Variants in PCDH9 observed in about 807,000 individuals in gnomAD.
The protein encoded by PCDH9 is protocadherin-9.
PCDH9 carries 24 observed loss-of-function variants against 70.6 expected under a neutral mutation model. The observed-to-expected ratio is 0.34, with a 90% CI of 0.25 to 0.48. PCDH9 has a LOEUF of 0.48. Among genes scored for constraint, PCDH9 ranks in the 20% least tolerant of loss-of-function variants. PCDH9 has a pLI of 0.99. For missense variants in PCDH9, 1,281 were observed against 1,503.6 expected, an observed-to-expected ratio of 0.85 and a Z score of 2.45; for synonymous variants, 562 against 558.5, an observed-to-expected ratio of 1.01 and a Z score of -0.09.
rs533157709 is a variant in PCDH9 at position 66,382,901 on chromosome 13, G to A, written c.3341-77873C>T. Among the ~76,000 whole-genome samples, 9 of 152,206 alleles carry A rather than the reference G, an allele frequency of 5.9e-5. No homozygotes were observed. The South Asian group carries it at 6.2e-4, about 11-fold the overall frequency. On this transcript the variant is annotated intron_variant, in intron 4 of 4. Coordinates refer to ENST00000377865, the MANE Select transcript of PCDH9 (RefSeq NM_203487.3). ...CAAAAAATCAGCCAGGCGTGGTGGC[G>A]CATGTCTGTAATCCCAGCTATTCGG...
At chr13:66,812,954 C>T (rs2080535887) in intron 3 of PCDH9, among the ~76,000 whole-genome samples, 1 of 152,172 alleles carries the variant, frequency 6.6e-6, no homozygotes, top group Non-Finnish European at 1.5e-5. Flanking sequence ...GCTCGTCATT[C>T]TGTAGTATCC....
intron 3 of PCDH9, among the ~76,000 whole-genome samples, chr13:66,890,606 C>A (rs1287167363): frequency 6.6e-6 from 1 of 151,952 alleles, no homozygotes; most frequent in Non-Finnish European, 1.5e-5. Flanking sequence ...GAAATGAATT[C>A]ATCAAGAAAG....
intron 4 of PCDH9, among the ~76,000 whole-genome samples, chr13:66,542,083 G>C (rs1473738743): frequency 6.6e-6 from 1 of 152,138 alleles, no homozygotes; most frequent in African/African-American, 2.4e-5. Flanking sequence ...AACAGCAGAT[G>C]AGAAGCCTTT....
At chr13:66,747,570 A>C (rs987539679) in intron 3 of PCDH9, among the ~76,000 whole-genome samples, 1 of 152,176 alleles carries the variant, frequency 6.6e-6, no homozygotes, top group African/African-American at 2.4e-5. Flanking sequence ...CTGCAAAATA[A>C]ATTAAGAATA....
At chr13:66,461,782 AT>A (rs1408426662) in intron 4 of PCDH9, among the ~76,000 whole-genome samples, 6 of 151,888 alleles carry the variant, frequency 4.0e-5, no homozygotes, top group Non-Finnish European at 7.4e-5. Flanking sequence ...ACAATATGTA[AT>A]TTCCAGGTAA....
chr13:67,141,925 T>A (rs2087402101), intron 2 of PCDH9, among the ~76,000 whole-genome samples: 1 of 152,138 alleles, frequency 6.6e-6, no homozygotes, highest in Non-Finnish European at 1.5e-5. Flanking sequence ...GTGTCTGTAT[T>A]TTCATCGTCG....
At chr13:66,547,619 TA>T (rs2138671970) in intron 4 of PCDH9, among the ~76,000 whole-genome samples, 1 of 152,218 alleles carries the variant, frequency 6.6e-6, no homozygotes, top group Admixed American at 6.5e-5. Context: ...ATGCCCATGA[TA>T]GTTCCACTAA....
chr13:66,424,098 A>G (rs1038663849), intron 4 of PCDH9, among the ~76,000 whole-genome samples: 2 of 152,164 alleles, frequency 1.3e-5, no homozygotes, highest in Non-Finnish European at 2.9e-5. Context: ...GGAATAAAAT[A>G]TCTAGGAATA....
chr13:66,804,020 C>T (rs9317615), intron 3 of PCDH9, among the ~76,000 whole-genome samples: 76,442 of 151,932 alleles, frequency 0.5, 20,768 homozygotes, highest in East Asian at 0.66. Flanking sequence ...TGCTGAGTGA[C>T]CACACATGAT....
chr13:66,712,341 A>G (rs2078805764), intron 3 of PCDH9, among the ~76,000 whole-genome samples: 1 of 152,168 alleles, frequency 6.6e-6, no homozygotes, highest in Admixed American at 6.5e-5. Context: ...TAAAAAATAC[A>G]GCACTTATTT....
intron 4 of PCDH9, among the ~76,000 whole-genome samples, chr13:66,423,722 T>C (rs1308505980): frequency 6.6e-6 from 1 of 152,256 alleles, no homozygotes; most frequent in East Asian, 1.9e-4. Context: ...GCCAATATCA[T>C]ACTGAATGGG....
intron 2 of PCDH9, among the ~76,000 whole-genome samples, chr13:67,159,916 TA>T (rs1287110168): frequency 1.4e-5 from 2 of 145,708 alleles, no homozygotes; most frequent in Non-Finnish European, 1.5e-5. Flanking sequence ...TTCTTTCTAT[TA>T]TTTTTTTGCA....
At chr13:66,479,821 G>A (rs1958805258) in intron 4 of PCDH9, among the ~76,000 whole-genome samples, 1 of 152,172 alleles carries the variant, frequency 6.6e-6, no homozygotes, top group Non-Finnish European at 1.5e-5. Flanking sequence ...TCAGCACTCT[G>A]TAAAATGGAC....
intron 3 of PCDH9, among the ~76,000 whole-genome samples, chr13:66,901,538 A>C (rs1209889294): frequency 6.6e-6 from 1 of 151,734 alleles, no homozygotes; most frequent in Admixed American, 6.6e-5. Flanking sequence ...AAGATTTATA[A>C]AAATATTTTG....
chr13:66,875,010 T>C (rs143272753), intron 3 of PCDH9, among the ~76,000 whole-genome samples: 3 of 149,096 alleles, frequency 2.0e-5, no homozygotes, highest in Non-Finnish European at 4.5e-5. Flanking sequence ...TAATGAGAAG[T>C]TATCAGAATT....
intron 4 of PCDH9, among the ~76,000 whole-genome samples, chr13:66,618,222 T>C (rs766887358): frequency 2.0e-5 from 3 of 152,130 alleles, no homozygotes; most frequent in Non-Finnish European, 1.5e-5. Context: ...TTTGTGGCGG[T>C]GGGACAAAGA....
At chr13:67,202,885 G>A (rs112341546) in intron 2 of PCDH9, 37 of 152,056 alleles carry the variant, frequency 2.4e-4, no homozygotes, top group African/African-American at 8.9e-4. Context: ...GAATATGTGA[G>A]TGTCTTGGTA....
chr13:66,644,769 A>T (rs66522321), intron 3 of PCDH9, among the ~76,000 whole-genome samples: 10,273 of 152,046 alleles, frequency 0.068, 407 homozygotes, highest in Middle Eastern at 0.1. Context: ...CTATTTTTTA[A>T]TTTTTTAAAC....
intron 2 of PCDH9, among the ~76,000 whole-genome samples, chr13:66,921,434 C>T (rs1273311844): frequency 6.6e-6 from 1 of 151,038 alleles, no homozygotes; most frequent in Admixed American, 6.6e-5. Flanking sequence ...TGTTCTGTTG[C>T]CTTATCCAGT....
Sources: allele counts gnomAD v4.1 joint callset (sites outside exome capture counted in the v4.1 genomes callset), GRCh38; gene constraint gnomAD v4.1.1; transcripts MANE v1.5; gene names NCBI Gene and HGNC (gene_info 2026-07-23, HGNC 2026-07-21).